The following ZNF181 variants were observed in gnomAD, a reference collection of about 807,000 sequenced individuals.
ZNF181 encodes zinc finger protein 181 (HHZ181).
ZNF181 carries 8 observed loss-of-function variants against 11.9 expected under a neutral mutation model. The ratio of observed to expected loss-of-function variants is 0.67; its 90% CI spans 0.39 to 1.21. The LOEUF is 1.21. Ranked by LOEUF, ZNF181 falls within the 50% of genes most tolerant of loss-of-function variation. ZNF181 has a pLI of 0.01. For missense variants in ZNF181, 542 were observed against 670.9 expected, an observed-to-expected ratio of 0.81 and a Z score of 2.12; for synonymous variants, 202 against 221.1, an observed-to-expected ratio of 0.91 and a Z score of 0.77.
Position 34,739,052 on chromosome 19 carries a change from G to A in ZNF181, c.10-96G>A, listed in dbSNP as rs3826972. 2.1e-3 allele frequency: 3,354 copies of A among 1,560,154 alleles called. 63 individuals are homozygous for A. In the East Asian group the frequency reaches 0.039, roughly 18 times the overall value. ...ATCATTGCCACAACTCCTGAATCTTGTTCCATTTCTCCCACAACCAGGCTA... is the reference window on the plus strand; with the variant it reads ...ATCATTGCCACAACTCCTGAATCTTATTCCATTTCTCCCACAACCAGGCTA... On this transcript the variant is annotated intron_variant, in intron 1 of 3. Transcript: ENST00000492450.
In ZNF181 at chr19:34,741,058, C is replaced by A; in HGVS notation, c.677C>A (p.Thr226Asn). The change falls in exon 4 of 4, where the codon ACC (threonine) becomes AAC (asparagine). Residue 226 changes from threonine to asparagine, a missense_variant. Transcript: ENST00000492450. ...GCCTTCAGCCAGGGCAAATCTCTTACCCTTCCCCAGACTTGTAATAGAGAG... is the reference window on the plus strand; with the variant it reads ...GCCTTCAGCCAGGGCAAATCTCTTAACCTTCCCCAGACTTGTAATAGAGAG... ...GAAFSQGKSL[T>N]LPQTCNREKI... 1 of 1,614,140 alleles carries A rather than the reference C, an allele frequency of 6.2e-7. No homozygotes were observed. Among genetic ancestry groups the A allele is most frequent in the Non-Finnish European group, 8.5e-7 (1 of 1,179,976 alleles).
intron 1 of ZNF181, 78 bp downstream of exon 1, chr19:34,735,124 C>G: frequency 6.7e-7 from 1 of 1,499,568 alleles, no homozygotes; most frequent in Non-Finnish European, 9.1e-7. Context: ...CTGCCTGTTC[C>G]CACCTAACCA....
At chr19:34,737,983 TGTACCCCTAACCATC>T (rs2068911315) in intron 1 of ZNF181, among the ~76,000 whole-genome samples, 1 of 152,224 alleles carries the variant, frequency 6.6e-6, no homozygotes, top group Non-Finnish European at 1.5e-5. Flanking sequence ...CCAGTGGTTA[TGTACCCCTAACCATC>T]AGGGGATTAG....
rs3826976 is a variant in ZNF181, at chr19:34,740,659, A to T, written c.278A>T (p.Asn93Ile). Reference protein sequence around the residue: ...ENKELSTKKDNYDEDSPQTVI... With the variant: ...ENKELSTKKDIYDEDSPQTVI... ...AAGGAATTATCAACAAAGAAGGATAATTATGATGAAGATTCACCCCAAACA... is the reference window on the plus strand; with the variant it reads ...AAGGAATTATCAACAAAGAAGGATATTTATGATGAAGATTCACCCCAAACA... Residue 93 changes from asparagine to isoleucine, a missense_variant, in exon 4 of 4, where the codon AAT becomes ATT. By Grantham distance (149) the Asn-to-Ile change is moderately radical (BLOSUM62 -3). Transcript: ENST00000492450. 1.6e-5 allele frequency: 25 copies of T among 1,601,188 alleles called. No individual in the cohort carries two copies. Among genetic ancestry groups the T allele is most frequent in the Non-Finnish European group, 2.0e-5 (24 of 1,174,880 alleles).
rs2069018372 is a variant in ZNF181, at chr19:34,744,689, T to C, written c.*2592T>C. ...GTAAATAAATACAATTAAGGAAGCATGATGTGGTATCAGACAGTTGCAAGT... is the reference window on the plus strand; with the variant it reads ...GTAAATAAATACAATTAAGGAAGCACGATGTGGTATCAGACAGTTGCAAGT... On this transcript the variant is annotated 3_prime_UTR_variant, in exon 4 of 4. Coordinates refer to ENST00000492450, the MANE Select transcript of ZNF181 (RefSeq NM_001029997.4). The C allele has an allele frequency of 3.3e-5, 5 of 152,228 alleles. No individual in the cohort carries two copies. Among genetic ancestry groups the C allele is most frequent in the Admixed American group, 2.6e-4 (4 of 15,282 alleles). The allele number at this position is 152,228 out of a possible 1,614,324, so 9.4% of individuals were successfully genotyped here. A position where few individuals can be genotyped will look rare whatever the true frequency, so the allele number is the denominator to read the frequency against.
intron 1 of ZNF181, 117 bp downstream of exon 1, chr19:34,735,163 T>TC: frequency 1.7e-6 from 2 of 1,182,104 alleles, no homozygotes; most frequent in Non-Finnish European, 2.4e-6. Context: ...GATCCATGGT[T>TC]CCTTTCAGTA....
In ZNF181 at chr19:34,744,271, T is replaced by A. The variant is rs976618194; in HGVS notation, c.*2174T>A. ...TTGGAATGGGGTGGTAAACTTTTAC[T>A]ATTTTGCAGGGATTTTATCTTTCAT... On this transcript the variant is annotated 3_prime_UTR_variant, in exon 4 of 4. Transcript: ENST00000492450. 6.6e-6 allele frequency: 1 copy of A among 152,198 alleles called. No individual in the cohort carries two copies. The highest frequency in any genetic ancestry group is 6.5e-5 in the Admixed American group (1 of 15,286). 9.4% of individuals were successfully genotyped at this position (152,198 alleles called of 1,614,324 possible).
At position 34,742,176 on chromosome 19, in the gene ZNF181, G is replaced by A; in HGVS notation, c.*79G>A. The A allele has an allele frequency of 7.1e-7, 1 of 1,402,798 alleles. No individual in the cohort carries two copies. Among genetic ancestry groups the A allele is most frequent in the Non-Finnish European group, 9.6e-7 (1 of 1,040,912 alleles). The allele number at this position is 1,402,798 out of a possible 1,614,324, so 86.9% of individuals were successfully genotyped here. Reference sequence around the variant, plus strand: ...AAATTTATACTGGGGAAAGTCTTATGAATGTGGTGAATATAGGAAGACCTT... The same window carrying A: ...AAATTTATACTGGGGAAAGTCTTATAAATGTGGTGAATATAGGAAGACCTT... On this transcript the variant is annotated 3_prime_UTR_variant, in exon 4 of 4. Coordinates refer to ENST00000492450, the MANE Select transcript of ZNF181 (RefSeq NM_001029997.4).
chr19:34,742,362 A>G lies in ZNF181; in HGVS notation c.*265A>G, dbSNP rs2068994263. 4.0e-6 allele frequency: 1 copy of G among 248,592 alleles called. No homozygotes were observed. Among genetic ancestry groups the G allele is most frequent in the Admixed American group, 4.9e-5 (1 of 20,564 alleles). The allele number at this position is 248,592 out of a possible 1,614,324, so 15.4% of individuals were successfully genotyped here. A position where few individuals can be genotyped will look rare whatever the true frequency, so the allele number is the denominator to read the frequency against. On this transcript the variant is annotated 3_prime_UTR_variant, in exon 4 of 4. Coordinates refer to ENST00000492450, the MANE Select transcript of ZNF181 (RefSeq NM_001029997.4). ...CCTGTACATGTAGCAAATGTGGGAAAGACTACAGACAATAGGAATCTTTTA... is the reference window on the plus strand; with the variant it reads ...CCTGTACATGTAGCAAATGTGGGAAGGACTACAGACAATAGGAATCTTTTA...
In ZNF181 at chr19:34,743,297, C is replaced by T. The variant is rs764785032; in HGVS notation, c.*1200C>T. The T allele has an allele frequency of 2.6e-5, 4 of 152,172 alleles. No individual in the cohort carries two copies. Among genetic ancestry groups the T allele is most frequent in the Non-Finnish European group, 4.4e-5 (3 of 68,030 alleles). 9.4% of individuals were successfully genotyped at this position (152,172 alleles called of 1,614,324 possible). Reference sequence around the variant, plus strand: ...CATTGTAATAATGAACAAAACAAATCTGATCTTTTTCTCGCAGGGATGTTA... The same window carrying T: ...CATTGTAATAATGAACAAAACAAATTTGATCTTTTTCTCGCAGGGATGTTA... On this transcript the variant is annotated 3_prime_UTR_variant, in exon 4 of 4. Coordinates refer to ENST00000492450, the MANE Select transcript of ZNF181 (RefSeq NM_001029997.4).
intron 1 of ZNF181, among the ~76,000 whole-genome samples, chr19:34,737,961 C>T (rs1416914238): frequency 2.6e-5 from 4 of 152,108 alleles, no homozygotes; most frequent in African/African-American, 9.7e-5. Context: ...TCTAACAGGC[C>T]ACAGACTGGT....
Position 34,739,620 on chromosome 19 carries a change from A to T in ZNF181, c.228A>T (p.Pro76=). The change falls in exon 3 of 4, where the codon CCA becomes CCT. Residue 76 remains proline, a splice_region_variant and synonymous_variant. Transcript: ENST00000492450. ...MEKKLSKGMI[P]DWESRWENKE... is the part of the protein sequence containing the mutation. ...AAAAACTGTCAAAAGGTATGATTCC[A>T]GGTGAGTCATGGTGAACGAGACAAA... 1 of 1,614,084 alleles carries T rather than the reference A, an allele frequency of 6.2e-7. No individual in the cohort carries two copies.
Position 34,734,925 on chromosome 19 carries a change from C to G in ZNF181, c.-113C>G. On this transcript the variant is annotated 5_prime_UTR_variant, in exon 1 of 4. Transcript: ENST00000492450. ...TGTGTCACAGGTGCCGCAAGATAAGCCTGATTTTTCATGACTGCTTTTTCC... is the reference window on the plus strand; with the variant it reads ...TGTGTCACAGGTGCCGCAAGATAAGGCTGATTTTTCATGACTGCTTTTTCC... 1 of 1,145,024 alleles carries G rather than the reference C, an allele frequency of 8.7e-7. No individual in the cohort carries two copies. The highest frequency in any genetic ancestry group is 1.3e-6 in the Non-Finnish European group (1 of 798,682). The allele number at this position is 1,145,024 out of a possible 1,614,324, so 70.9% of individuals were successfully genotyped here. A position where few individuals can be genotyped will look rare whatever the true frequency, so the allele number is the denominator to read the frequency against.
intron 1 of ZNF181, among the ~76,000 whole-genome samples, chr19:34,735,662 C>T (rs1600137654): frequency 6.6e-6 from 1 of 152,304 alleles, no homozygotes; most frequent in African/African-American, 2.4e-5. Context: ...TATAATTTTT[C>T]AGTGGCTCTA....
At chr19:34,736,260 T>C (rs1327110318) in intron 1 of ZNF181, 19 of 681,718 alleles carry the variant, frequency 2.8e-5, no homozygotes, top group Non-Finnish European at 4.8e-5. Flanking sequence ...AGAAGTTAGA[T>C]AATTAGAATT....
At chr19:34,739,099 C>T in intron 1 of ZNF181, 49 bp from the exon 2 acceptor site, 1 of 1,608,388 alleles carries the variant, frequency 6.2e-7, no homozygotes, top group Non-Finnish European at 8.5e-7. Context: ...TCTTCAGTGA[C>T]AGAAGAGGCC....
chr19:34,739,459 C>A, intron 2 of ZNF181, 64 bp from the exon 3 acceptor site: 1 of 1,603,464 alleles, frequency 6.2e-7, no homozygotes, highest in South Asian at 1.1e-5. Context: ...CCTGTGGTCC[C>A]TCTTGTGATG....
chr19:34,742,667 T>A lies in ZNF181; in HGVS notation c.*570T>A, dbSNP rs562656248. On this transcript the variant is annotated 3_prime_UTR_variant, in exon 4 of 4. Transcript: ENST00000492450. Reference sequence around the variant, plus strand: ...ACAGGAGAGCAAATAAACATTATAATAAAATATGCATTTCTTAGAGCAGTA... The same window carrying A: ...ACAGGAGAGCAAATAAACATTATAAAAAAATATGCATTTCTTAGAGCAGTA... The A allele has an allele frequency of 3.3e-5, 5 of 152,376 alleles. No individual in the cohort carries two copies. The South Asian group carries it at 1.0e-3, about 32-fold the overall frequency. 9.4% of individuals were successfully genotyped at this position (152,376 alleles called of 1,614,324 possible).
Position 34,734,669 on chromosome 19 carries a change from T to A in ZNF181, c.-369T>A, listed in dbSNP as rs1468650338. On this transcript the variant is annotated 5_prime_UTR_variant, in exon 1 of 4. It removes the in-frame stop codon of an upstream open reading frame in the 5' UTR. Transcript: ENST00000492450. ...TTGGAATTTCAGTTTTGTCATCGTT[T>A]AAAAAATAGATCTGGAAAAATGTGA... 1 of 251,906 alleles carries A rather than the reference T, an allele frequency of 4.0e-6. No homozygotes were observed. The highest frequency in any genetic ancestry group is 7.6e-6 in the Non-Finnish European group (1 of 131,364). 15.6% of individuals were successfully genotyped at this position (251,906 alleles called of 1,614,324 possible).
Sources: gnomAD v4.1 joint callset for allele counts (sites outside exome capture counted in the v4.1 genomes callset) on GRCh38, gnomAD v4.1.1 for gene constraint, MANE v1.5 for transcripts, NCBI Gene and HGNC (gene_info 2026-07-23, HGNC 2026-07-21) for gene names.